The following ATP8A1 variants were observed in gnomAD, a reference collection of about 807,000 sequenced individuals.
The protein encoded by ATP8A1 is ATPase phospholipid transporting 8A1.
Under a neutral mutation model 177.7 loss-of-function variants are expected in ATP8A1, and 90 were observed. That is an observed-to-expected ratio of 0.51 (90% CI 0.43 to 0.60). The LOEUF (loss-of-function observed/expected upper bound fraction) is 0.60, where lower values mean the gene tolerates loss of function less well. ATP8A1 is among the 20% of genes least tolerant of loss of function. ATP8A1 has a pLI of 0.00. For missense variants in ATP8A1, 1,072 were observed against 1,392.8 expected (o/e 0.77, Z 3.67); for synonymous variants, 493 against 485.9 (o/e 1.01, Z -0.19).
In ATP8A1 at chr4:42,469,740, G is replaced by T. The variant is rs571934364; in HGVS notation, c.2325-4664C>A. ...TTAACTTCACACTCAAAATTCTCCAGAATATATTATTTTCTACTGCTGTGT... is the reference window on the plus strand; with the variant it reads ...TTAACTTCACACTCAAAATTCTCCATAATATATTATTTTCTACTGCTGTGT... On this transcript the variant is annotated intron_variant, in intron 25 of 36. Coordinates refer to ENST00000381668, the MANE Select transcript of ATP8A1 (RefSeq NM_006095.2). Among the ~76,000 whole-genome samples the T allele has an allele frequency of 3.3e-5, 5 of 152,198 alleles. No individual in the cohort carries two copies. In the South Asian group the frequency reaches 8.3e-4, roughly 25 times the overall value.
chr4:42,600,317 AAATG>A (rs1735118073), intron 6 of ATP8A1, among the ~76,000 whole-genome samples, 157 bp downstream of exon 6: 3 of 152,356 alleles, frequency 2.0e-5, no homozygotes, highest in Admixed American at 2.0e-4. Context: ...CAGAAATATT[AAATG>A]AATGTGACTG....
At chr4:42,444,460 G>T in intron 32 of ATP8A1, 118 bp downstream of exon 32, 1 of 940,364 alleles carries the variant, frequency 1.1e-6, no homozygotes, top group Non-Finnish European at 1.6e-6. Flanking sequence ...TTGAAAACCT[G>T]TGGACTAGGA....
chr4:42,501,824 T>A (rs1723883210), intron 24 of ATP8A1, among the ~76,000 whole-genome samples: 1 of 152,164 alleles, frequency 6.6e-6, no homozygotes, highest in Non-Finnish European at 1.5e-5. Context: ...CAGTCAGATT[T>A]GTAAAGTCAC....
intron 30 of ATP8A1, among the ~76,000 whole-genome samples, 160 bp from the exon 31 acceptor site, chr4:42,446,804 T>C (rs575965303): frequency 8.0e-5 from 12 of 149,958 alleles, no homozygotes; most frequent in Non-Finnish European, 1.5e-4. Flanking sequence ...CACTCTTGAG[T>C]GCTAACAAAG....
At position 42,550,968 on chromosome 4, in the gene ATP8A1, CAG is replaced by C. The variant is rs374497000; in HGVS notation, c.1602+228_1602+229del. The stretch of plus-strand genomic sequence containing the variant: ...GAGATACACCCTCATGTAACAGAAT[CAG>C]AAGATACATTAAAATTGAAGAGTCA... On this transcript the variant is annotated intron_variant, in intron 18 of 36. Transcript: ENST00000381668. Among the ~76,000 whole-genome samples, 57 of 152,204 alleles carry C rather than the reference CAG, an allele frequency of 3.7e-4. 1 individual carries two copies. In the South Asian group the frequency reaches 7.7e-3, roughly 21 times the overall value.
chr4:42,481,944 T>C (rs1289789370), intron 25 of ATP8A1, among the ~76,000 whole-genome samples: 2 of 152,216 alleles, frequency 1.3e-5, no homozygotes, highest in Non-Finnish European at 2.9e-5. Flanking sequence ...ATAAATTAGA[T>C]GCATTCAGGT....
At chr4:42,495,107 C>G (rs1380646766) in intron 24 of ATP8A1, among the ~76,000 whole-genome samples, 1 of 152,192 alleles carries the variant, frequency 6.6e-6, no homozygotes, top group South Asian at 2.1e-4. Flanking sequence ...TTTGAGGCTC[C>G]ACCTCATCAT....
intron 20 of ATP8A1, among the ~76,000 whole-genome samples, chr4:42,531,152 C>T (rs1433423634): frequency 3.9e-5 from 6 of 152,112 alleles, no homozygotes; most frequent in African/African-American, 4.8e-5. Context: ...AGAGTATGTA[C>T]GGAATACAGC....
intron 3 of ATP8A1, 95 bp from the exon 4 acceptor site, chr4:42,624,729 C>A: frequency 1.7e-6 from 1 of 581,744 alleles, no homozygotes. Flanking sequence ...TAAAATATGC[C>A]TCACTGATTT....
At chr4:42,583,931 A>C (rs1209699032) in intron 9 of ATP8A1, among the ~76,000 whole-genome samples, 1 of 152,246 alleles carries the variant, frequency 6.6e-6, no homozygotes, top group Non-Finnish European at 1.5e-5. Context: ...CTATAGAAAC[A>C]ATACTGGTAT....
In ATP8A1 at chr4:42,579,904, AC is replaced by A; in HGVS notation, c.908del (p.Cys303LeufsTer3). 6.2e-7 allele frequency: 1 copy of A among 1,613,788 alleles called. No individual in the cohort carries two copies. The highest frequency in any genetic ancestry group is 8.5e-7 in the Non-Finnish European group (1 of 1,179,772). ...AGACAAGAGACATGGCAATTAAGAT[AC>A]AAAATAAAATCAAAATTTGTACATT... ...ITNVQILILF[C>X]ILIAMSLVCS... On this transcript the variant is annotated frameshift_variant, in exon 11 of 37. Coordinates refer to ENST00000381668, the MANE Select transcript of ATP8A1 (RefSeq NM_006095.2). LOFTEE classifies it high-confidence loss of function.
chr4:42,503,534 A>G lies in ATP8A1; in HGVS notation c.2087-20T>C, dbSNP rs761124867. 1.3e-6 allele frequency: 2 copies of G among 1,507,994 alleles called. No individual in the cohort carries two copies. Among genetic ancestry groups the G allele is most frequent in the South Asian group, 1.2e-5 (1 of 83,156 alleles). 93.4% of individuals were successfully genotyped at this position (1,507,994 alleles called of 1,614,324 possible). A position where few individuals can be genotyped will look rare whatever the true frequency, so the allele number is the denominator to read the frequency against. On this transcript the variant is annotated intron_variant, in intron 23 of 36. Coordinates refer to ENST00000381668, the MANE Select transcript of ATP8A1 (RefSeq NM_006095.2). ...AGTGTCCTGTATCCAAACACAGAGT[A>G]TATTAAAATTAATTTCTCCAGAGAA... is the stretch of plus-strand genomic sequence containing the variant.
intron 15 of ATP8A1, among the ~76,000 whole-genome samples, chr4:42,564,692 G>C (rs1480381502): frequency 6.6e-6 from 1 of 152,206 alleles, no homozygotes; most frequent in Non-Finnish European, 1.5e-5. Context: ...TAGGCAGAAG[G>C]GACTTGCCTT....
At chr4:42,526,732 A>G (rs1219811354) in intron 20 of ATP8A1, among the ~76,000 whole-genome samples, 1 of 152,112 alleles carries the variant, frequency 6.6e-6, no homozygotes, top group Non-Finnish European at 1.5e-5. Context: ...TATTTATTCT[A>G]TTAATTCTGT....
intron 22 of ATP8A1, among the ~76,000 whole-genome samples, chr4:42,507,672 G>A (rs1037461115): frequency 7.1e-6 from 1 of 141,286 alleles, no homozygotes; most frequent in African/African-American, 2.6e-5. Flanking sequence ...GGGGTTGCAG[G>A]TGAGCTGAGA....
rs763262481 is a variant in ATP8A1, at chr4:42,556,069, C to G, written c.1341-29G>C. 3.9e-6 allele frequency: 6 copies of G among 1,532,240 alleles called. No homozygotes were observed. The East Asian group carries it at 1.4e-4, about 35-fold the overall frequency. The allele number at this position is 1,532,240 out of a possible 1,614,324, so 94.9% of individuals were successfully genotyped here. On this transcript the variant is annotated intron_variant, in intron 15 of 36. Coordinates refer to ENST00000381668, the MANE Select transcript of ATP8A1 (RefSeq NM_006095.2). ...AAGGGGGTAAAAAATAGAGTAAACC[C>G]AGTTCATTTATACCAGCCCACTGAT...
intron 30 of ATP8A1, 25 bp from the exon 31 acceptor site, chr4:42,446,669 A>G: frequency 6.3e-7 from 1 of 1,594,458 alleles, no homozygotes; most frequent in Non-Finnish European, 8.6e-7. Context: ...GAGGCCTATT[A>G]GAAAGGAAAA....
intron 20 of ATP8A1, among the ~76,000 whole-genome samples, chr4:42,529,612 AGCCTGCACC>A (rs1727056667): frequency 5.9e-5 from 9 of 152,230 alleles, no homozygotes; most frequent in Admixed American, 5.9e-4. Context: ...TCTCTTCCCC[AGCCTGCACC>A]GATGGCCTCA....
intron 27 of ATP8A1, among the ~76,000 whole-genome samples, chr4:42,459,763 C>G (rs1312323363): frequency 6.6e-6 from 1 of 151,844 alleles, no homozygotes; most frequent in East Asian, 1.9e-4. Flanking sequence ...GTTTATATTT[C>G]CACATATTAG....
Sources: gnomAD v4.1 joint callset for allele counts (sites outside exome capture counted in the v4.1 genomes callset) on GRCh38, gnomAD v4.1.1 for gene constraint, MANE v1.5 for transcripts, NCBI Gene and HGNC (gene_info 2026-07-23, HGNC 2026-07-21) for gene names.